The following STARD13 variants were observed in gnomAD, a reference collection of about 807,000 sequenced individuals.
STARD13 encodes StAR related lipid transfer domain containing 13.
A neutral mutation model predicts 106.4 loss-of-function variants in STARD13; 62 were observed. The ratio of observed to expected loss-of-function variants is 0.58; its 90% CI spans 0.48 to 0.72. The LOEUF is 0.72. Among genes scored for constraint, STARD13 ranks in the 30% least tolerant of loss-of-function variants. STARD13 has a pLI of 0.00. For synonymous variants in STARD13, 565 were observed against 553.0 expected, an observed-to-expected ratio of 1.02 and a Z score of -0.31; for missense variants, 1,387 against 1,424.0, an observed-to-expected ratio of 0.97 and a Z score of 0.42.
chr13:33,353,842 T>G (rs2078102421), upstream of STARD13, among the ~76,000 whole-genome samples: 1 of 138,336 alleles, frequency 7.2e-6, no homozygotes, highest in Non-Finnish European at 1.6e-5. Context: ...TTGTTTGTGG[T>G]TGGTCTCCCA....
At chr13:33,599,911 G>A in the STARD13 span, among the ~76,000 whole-genome samples, 1 of 152,114 alleles carries the variant, frequency 6.6e-6, no homozygotes, top group African/African-American at 2.4e-5. Context: ...TGTTCAAATG[G>A]TCACAAAGTT....
the STARD13 span, among the ~76,000 whole-genome samples, chr13:33,625,642 T>C: frequency 6.6e-6 from 1 of 152,094 alleles, no homozygotes; most frequent in East Asian, 1.9e-4. Context: ...TCGACAATAA[T>C]GTCTGAGAGC....
the STARD13 span, among the ~76,000 whole-genome samples, chr13:33,499,546 C>CTTTCTTTCT: frequency 1.9e-5 from 1 of 52,286 alleles, no homozygotes; most frequent in African/African-American, 7.1e-5. Flanking sequence ...TCTTCTTCTT[C>CTTTCTTTCT]TTCTTCTTCT....
rs200906338 is a variant in STARD13, at chr13:33,217,982, T to TAC, written c.170-50362_170-50361dup. On this transcript the variant is annotated intron_variant, in intron 1 of 13. Transcript: ENST00000336934. Reference sequence around the variant, plus strand: ...TGGCAAAGCTTGGAGCAGACTATATTACACACACATACACACACACACACA... The same window carrying TAC: ...TGGCAAAGCTTGGAGCAGACTATATTACACACACACATACACACACACACACA... 1.2e-4 allele frequency among the ~76,000 whole-genome samples: 14 copies of TAC among 121,560 alleles called. No individual in the cohort carries two copies. In the East Asian group the frequency reaches 2.5e-3, roughly 22 times the overall value. The allele number at this position is 121,560 out of a possible 152,430, so 79.7% of individuals were successfully genotyped here.
chr13:33,354,618 T>C (rs1399613748), upstream of STARD13, among the ~76,000 whole-genome samples: 1 of 152,232 alleles, frequency 6.6e-6, no homozygotes, highest in Non-Finnish European at 1.5e-5. Context: ...TAGGATCATT[T>C]ACTGACTGAA....
At chr13:33,527,112 A>G in the STARD13 span, among the ~76,000 whole-genome samples, 1 of 152,142 alleles carries the variant, frequency 6.6e-6, no homozygotes, top group African/African-American at 2.4e-5. Context: ...TATTTTAAAT[A>G]CATAGTTTTA....
chr13:33,142,856 C>T (rs1266694057), intron 3 of STARD13, among the ~76,000 whole-genome samples: 1 of 152,174 alleles, frequency 6.6e-6, no homozygotes, highest in African/African-American at 2.4e-5. Context: ...GCTAACTATG[C>T]CGCTCCAGAA....
the STARD13 span, among the ~76,000 whole-genome samples, chr13:33,621,666 C>T: frequency 1.3e-4 from 13 of 100,398 alleles, no homozygotes; most frequent in East Asian, 1.9e-3. Flanking sequence ...GGCGACAGAG[C>T]GAGACTCAGT....
chr13:33,318,787 C>A (rs1382805434), intron 1 of STARD13, among the ~76,000 whole-genome samples: 4 of 151,924 alleles, frequency 2.6e-5, no homozygotes, highest in African/African-American at 9.7e-5. Context: ...AGAAGATATA[C>A]AAATGCACAT....
At chr13:33,558,319 G>C in the STARD13 span, among the ~76,000 whole-genome samples, 1 of 151,758 alleles carries the variant, frequency 6.6e-6, no homozygotes, top group African/African-American at 2.4e-5. Context: ...AGGTTGTTAA[G>C]GTTAAATAAG....
At chr13:33,252,226 T>C in intron 1 of STARD13, among the ~76,000 whole-genome samples, 1 of 152,200 alleles carries the variant, frequency 6.6e-6, no homozygotes, top group East Asian at 1.9e-4. Flanking sequence ...TCCCTGCCTT[T>C]AATCCCTCTC....
chr13:33,457,090 C>T, the STARD13 span, among the ~76,000 whole-genome samples: 1 of 152,158 alleles, frequency 6.6e-6, no homozygotes, highest in African/African-American at 2.4e-5. Context: ...GCATTTCCAC[C>T]CAAGTTTTAG....
chr13:33,133,653 CAAA>C (rs35731008), intron 4 of STARD13, among the ~76,000 whole-genome samples: 5 of 147,838 alleles, frequency 3.4e-5, no homozygotes, highest in Non-Finnish European at 3.0e-5. Context: ...TATACTAAAG[CAAA>C]AAAAAAAAAA....
chr13:33,186,396 G>A (rs941034324), intron 1 of STARD13, among the ~76,000 whole-genome samples: 11 of 152,258 alleles, frequency 7.2e-5, no homozygotes, highest in African/African-American at 2.6e-4. Flanking sequence ...GAAACAGTGC[G>A]ATTTCTATCA....
At chr13:33,185,958 A>G (rs982066177) in intron 1 of STARD13, 2 of 1,614,240 alleles carry the variant, frequency 1.2e-6, no homozygotes, top group African/African-American at 2.7e-5. Flanking sequence ...GCACCAGCGC[A>G]GCACCAAGCA....
chr13:33,158,497 C>T (rs1035581660), intron 3 of STARD13: 1 of 152,236 alleles, frequency 6.6e-6, no homozygotes, highest in African/African-American at 2.4e-5. Flanking sequence ...GCTGCCTGCC[C>T]TCCGGCTGTG....
At chr13:33,365,203 T>G in the STARD13 span, among the ~76,000 whole-genome samples, 1 of 151,800 alleles carries the variant, frequency 6.6e-6, no homozygotes. Context: ...CTGAAGGGAA[T>G]GGGGGAGTCT....
At chr13:33,577,160 A>G in the STARD13 span, among the ~76,000 whole-genome samples, 1 of 152,316 alleles carries the variant, frequency 6.6e-6, no homozygotes, top group Non-Finnish European at 1.5e-5. Flanking sequence ...TGATTTTCAT[A>G]ATGTACTACA....
chr13:33,652,973 T>C, the STARD13 span, among the ~76,000 whole-genome samples: 1 of 152,194 alleles, frequency 6.6e-6, no homozygotes, highest in East Asian at 1.9e-4. Context: ...ACAAAAATAG[T>C]GCCAGACTTT....
Sources: allele counts gnomAD v4.1 joint callset (sites outside exome capture counted in the v4.1 genomes callset), GRCh38; gene constraint gnomAD v4.1.1; transcripts MANE v1.5; gene names NCBI Gene and HGNC (gene_info 2026-07-23, HGNC 2026-07-21).